The following MYPN variants were observed in gnomAD, a reference collection of about 807,000 sequenced individuals.
The protein encoded by MYPN is myopalladin.
MYPN carries 63 observed loss-of-function variants against 129.4 expected under a neutral mutation model. That is an observed-to-expected ratio of 0.49 (90% confidence interval 0.40 to 0.60). MYPN has a LOEUF of 0.60. Ranked by LOEUF, MYPN falls within the 20% of genes least tolerant of loss-of-function variation. The pLI is 0.00. For missense variants in MYPN, 1,596 were observed against 1,635.4 expected, an observed-to-expected ratio of 0.98 and a Z score of 0.42; for synonymous variants, 629 against 600.9, an observed-to-expected ratio of 1.05 and a Z score of -0.68.
intron 2 of MYPN, among the ~76,000 whole-genome samples, chr10:68,128,298 C>T (rs1043897087): frequency 2.0e-5 from 3 of 152,206 alleles, no homozygotes; most frequent in African/African-American, 7.2e-5. Context: ...TTGTACACAA[C>T]CTTTCCAGGC....
At position 68,126,040 on chromosome 10, in the gene MYPN, A is replaced by G. The variant is rs193072390; in HGVS notation, c.902+3700A>G. ...TGAGTTGCTTGGCCTGGAGTGCATGATAAAGGAAGTGTTAACACAGGAGGT... is the reference window on the plus strand; with the variant it reads ...TGAGTTGCTTGGCCTGGAGTGCATGGTAAAGGAAGTGTTAACACAGGAGGT... On this transcript the variant is annotated intron_variant, in intron 2 of 19. Coordinates refer to ENST00000358913, the MANE Select transcript of MYPN (RefSeq NM_032578.4). 1.4e-3 allele frequency among the ~76,000 whole-genome samples: 209 copies of G among 152,300 alleles called. 1 individual carries two copies. Among genetic ancestry groups the G allele is most frequent in the African/African-American group, 4.6e-3 (192 of 41,576 alleles).
intron 2 of MYPN, among the ~76,000 whole-genome samples, chr10:68,129,624 T>G (rs1387108507): frequency 6.6e-6 from 1 of 152,236 alleles, no homozygotes; most frequent in Non-Finnish European, 1.5e-5. Flanking sequence ...ATGTATAACT[T>G]CAACTTTATG....
At chr10:68,142,825 TTTG>T (rs1345078845) in intron 2 of MYPN, 112 bp from the exon 3 acceptor site, 71 of 1,022,240 alleles carry the variant, frequency 6.9e-5, no homozygotes, top group Non-Finnish European at 9.7e-5. Context: ...GATGGAGTTT[TTTG>T]TTGTTGTTGT....
chr10:68,108,396 CA>C (rs2042038202), upstream of MYPN, among the ~76,000 whole-genome samples: 1 of 152,146 alleles, frequency 6.6e-6, no homozygotes, highest in Non-Finnish European at 1.5e-5. Context: ...TCCACGAGGT[CA>C]GAAATTTTTG....
Position 68,174,102 on chromosome 10 carries a change from C to G in MYPN, c.2010C>G (p.Val670=). 1 of 1,614,138 alleles carries G rather than the reference C, an allele frequency of 6.2e-7. No individual in the cohort carries two copies. The highest frequency in any genetic ancestry group is 8.5e-7 in the Non-Finnish European group (1 of 1,180,004). The change falls in exon 11 of 20, where the codon GTC becomes GTG. Residue 670 remains valine (V), a synonymous_variant. Transcript: ENST00000358913. ...AGTTACAACAGCTTCATAACCAAGTCTTACTGGAACAACACCAATTGCAAA... is the reference window on the plus strand; with the variant it reads ...AGTTACAACAGCTTCATAACCAAGTGTTACTGGAACAACACCAATTGCAAA... ...STQLQQLHNQ[V]LLEQHQLQNP... is the part of the protein sequence containing the mutation.
chr10:68,105,395 T>C (rs888132828), upstream of MYPN, among the ~76,000 whole-genome samples: 1 of 152,204 alleles, frequency 6.6e-6, no homozygotes, highest in Non-Finnish European at 1.5e-5. Flanking sequence ...ACCAAGACTA[T>C]AGTATATTTA....
intron 2 of MYPN, among the ~76,000 whole-genome samples, chr10:68,140,937 CA>C (rs1296882205): frequency 4.6e-5 from 7 of 152,074 alleles, no homozygotes; most frequent in Admixed American, 4.6e-4. Flanking sequence ...CCAGGTGTGG[CA>C]GCACGTGCCT....
At position 68,189,339 on chromosome 10, in the gene MYPN, C is replaced by T. The variant is rs558592672; in HGVS notation, c.2925+213C>T. ...CAGGATAACTGAGATATCCATCACTCAAACATTTATCTTTTTTGTGTATTG... is the reference window on the plus strand; with the variant it reads ...CAGGATAACTGAGATATCCATCACTTAAACATTTATCTTTTTTGTGTATTG... On this transcript the variant is annotated intron_variant, in intron 13 of 19. Transcript: ENST00000358913. Among the ~76,000 whole-genome samples the T allele has an allele frequency of 1.1e-3, 164 of 152,298 alleles. 6 individuals carry two copies. The South Asian group carries it at 0.033, about 31-fold the overall frequency.
In MYPN at chr10:68,174,288, C is replaced by G; in HGVS notation, c.2196C>G (p.Thr732=). The G allele has an allele frequency of 6.2e-7, 1 of 1,614,160 alleles. No individual in the cohort carries two copies. Among genetic ancestry groups the G allele is most frequent in the Non-Finnish European group, 8.5e-7 (1 of 1,180,032 alleles). The change falls in exon 11 of 20, where the codon ACC becomes ACG. Residue 732 remains threonine, a synonymous_variant. Coordinates refer to ENST00000358913, the MANE Select transcript of MYPN (RefSeq NM_032578.4). ...RPKYFFPSTN[T]TAATVAPSSS... ...AGTATTTCTTCCCCTCCACGAACAC[C>G]ACCGCAGCAACTGTGGCCCCTTCCA...
chr10:68,136,761 T>G, intron 2 of MYPN: 2 of 1,525,364 alleles, frequency 1.3e-6, no homozygotes, highest in Non-Finnish European at 1.8e-6. Flanking sequence ...TCTAAATAAT[T>G]TAGATAATCC....
At chr10:68,151,444 C>T (rs780049486) in intron 6 of MYPN, among the ~76,000 whole-genome samples, 2 of 152,138 alleles carry the variant, frequency 1.3e-5, no homozygotes, top group Admixed American at 6.5e-5. Flanking sequence ...AGGAGAGCAA[C>T]ATGTTGTGAT....
rs751895079 is a variant in MYPN, at chr10:68,166,350, C to A, written c.1657C>A (p.Leu553Met). 6.2e-7 allele frequency: 1 copy of A among 1,614,102 alleles called. No individual in the cohort carries two copies. The highest frequency in any genetic ancestry group is 8.5e-7 in the Non-Finnish European group (1 of 1,180,006). Residue 553 changes from leucine to methionine, a missense_variant, in exon 10 of 20, where the codon CTG becomes ATG. Leu to Met is a conservative substitution (Grantham distance 15). Transcript: ENST00000358913. ...SLHSANSTTN[L>M]AAIEPQPSPP... is the part of the protein sequence containing the mutation. ...TCACTCAGCCAACTCTACCACCAAC[C>A]TGGCAGCTATTGAGCCACAGCCCTC... is the stretch of plus-strand genomic sequence containing the variant.
At chr10:68,110,364 C>T (rs1331210283) in intron 1 of MYPN, among the ~76,000 whole-genome samples, 1 of 152,012 alleles carries the variant, frequency 6.6e-6, no homozygotes, top group African/African-American at 2.4e-5. Context: ...GCACTATTAG[C>T]AGTAATAGAT....
At chr10:68,098,493 T>C (rs1474949381) in intron 1 of MYPN, among the ~76,000 whole-genome samples, 1 of 152,202 alleles carries the variant, frequency 6.6e-6, no homozygotes, top group Admixed American at 6.5e-5. Flanking sequence ...CTACTTCTTT[T>C]TATTAACATA....
At chr10:68,168,668 C>T (rs1341188825) in intron 10 of MYPN, among the ~76,000 whole-genome samples, 1 of 152,076 alleles carries the variant, frequency 6.6e-6, no homozygotes, top group African/African-American at 2.4e-5. Context: ...ATAGGTGGGG[C>T]TGGGGATTCT....
At chr10:68,194,534 C>T (rs754207585) in intron 14 of MYPN, 22 bp downstream of exon 14, 2 of 1,612,014 alleles carry the variant, frequency 1.2e-6, no homozygotes, top group Non-Finnish European at 1.7e-6. Flanking sequence ...GGGTTCTGCG[C>T]TGTGCTGCAC....
At chr10:68,195,345 CATA>C in intron 14 of MYPN, 102 bp from the exon 15 acceptor site, 1 of 984,370 alleles carries the variant, frequency 1.0e-6, no homozygotes, top group Non-Finnish European at 1.6e-6. Flanking sequence ...AAGAAAAACT[CATA>C]ATAGCCAAAA....
rs573737684 is a variant in MYPN at position 68,113,456 on chromosome 10, G to A, written c.-2+3733G>A. Among the ~76,000 whole-genome samples, 3 of 152,250 alleles carry A rather than the reference G, an allele frequency of 2.0e-5. No homozygotes were observed. The East Asian group carries it at 5.8e-4, about 29-fold the overall frequency. On this transcript the variant is annotated intron_variant, in intron 1 of 19. Transcript: ENST00000358913. ...CATGCCTGTAATCCCAGCACTTTGG[G>A]AGGCCAAGGTGGGTGGATCACTTGA...
At chr10:68,202,123 T>C (rs1230735657) in intron 18 of MYPN, 129 bp downstream of exon 18, 3 of 1,162,520 alleles carry the variant, frequency 2.6e-6, no homozygotes, top group Non-Finnish European at 3.8e-6. Flanking sequence ...TTCATTGATA[T>C]TATTGTGTGT....
Sources: gnomAD v4.1 joint callset for allele counts (sites outside exome capture counted in the v4.1 genomes callset) on GRCh38, gnomAD v4.1.1 for gene constraint, MANE v1.5 for transcripts, NCBI Gene and HGNC (gene_info 2026-07-23, HGNC 2026-07-21) for gene names.